LRP8: variants seen among roughly 807,000 people sequenced by gnomAD.
LRP8 encodes the protein low-density lipoprotein receptor-related protein 8.
LRP8 carries 46 observed loss-of-function variants against 111.6 expected under a neutral mutation model. The ratio of observed to expected loss-of-function variants is 0.41; its 90% CI spans 0.33 to 0.53. The LOEUF is 0.53. LRP8 is among the 20% of genes least tolerant of loss of function. The pLI, the probability that LRP8 is intolerant of heterozygous loss-of-function variation, is 0.20. For missense variants in LRP8, 959 were observed against 1,297.4 expected (o/e 0.74, Z 4.01); for synonymous variants, 464 against 511.2 (o/e 0.91, Z 1.24).
At position 53,262,418 on chromosome 1, in the gene LRP8, C is replaced by T; in HGVS notation, c.1774+28G>A. On this transcript the variant is annotated intron_variant, in intron 11 of 18. Transcript: ENST00000306052. The surrounding 1 kb of genome is among the most constrained non-coding windows in gnomAD (Gnocchi z 4.8). ...GATCAGGACAAGGCACTAGAATAGG[C>T]CCCCAACCCAGGAAAGGCAGGGCTC... The T allele has an allele frequency of 6.2e-7, 1 of 1,602,024 alleles. No homozygotes were observed. Among genetic ancestry groups the T allele is most frequent in the Non-Finnish European group, 8.5e-7 (1 of 1,170,006 alleles).
chr1:53,313,370 C>T (rs1653344836), intron 2 of LRP8, among the ~76,000 whole-genome samples: 1 of 151,952 alleles, frequency 6.6e-6, no homozygotes. Flanking sequence ...GGGCTGGAAA[C>T]CTAGCAAGGG....
In LRP8 at chr1:53,266,209, T is replaced by C. The variant is rs1463091704; in HGVS notation, c.1427+264A>G. Among the ~76,000 whole-genome samples, 1 of 152,224 alleles carries C rather than the reference T, an allele frequency of 6.6e-6. No homozygotes were observed. The highest frequency in any genetic ancestry group is 1.5e-5 in the Non-Finnish European group (1 of 68,046). ...GCCCTGGCCAAACAGTTCCTGTGTC[T>C]TGTGCTTCCATATTAGGCCTCCAGA... is the stretch of plus-strand genomic sequence containing the variant. On this transcript the variant is annotated intron_variant, in intron 9 of 18. Transcript: ENST00000306052. The surrounding 1 kb of genome is among the most constrained non-coding windows in gnomAD (Gnocchi z 5.0).
Position 53,249,306 on chromosome 1 carries a change from T to C in LRP8, c.2853+74A>G, listed in dbSNP as rs1645821090. 2.0e-6 allele frequency: 3 copies of C among 1,513,566 alleles called. No homozygotes were observed. The highest frequency in any genetic ancestry group is 1.4e-5 in the African/African-American group (1 of 71,834). 93.8% of individuals were successfully genotyped at this position (1,513,566 alleles called of 1,614,324 possible). A position where few individuals can be genotyped will look rare whatever the true frequency, so the allele number is the denominator to read the frequency against. On this transcript the variant is annotated intron_variant, in intron 18 of 18. Coordinates refer to ENST00000306052, the MANE Select transcript of LRP8 (RefSeq NM_004631.5). The surrounding 1 kb of genome is among the most constrained non-coding windows in gnomAD (Gnocchi z 4.1). The stretch of plus-strand genomic sequence containing the variant: ...AGCCTTCCCAAACCAGAAAGCCTTC[T>C]AGGATTGGCTGCGCCTGCCTTGGTT...
chr1:53,249,565 G>T lies in LRP8; in HGVS notation c.2677-9C>A, dbSNP rs780421237. 6.3e-7 allele frequency: 1 copy of T among 1,583,650 alleles called. No homozygotes were observed. Among genetic ancestry groups the T allele is most frequent in the Non-Finnish European group, 8.6e-7 (1 of 1,165,050 alleles). On this transcript the variant is annotated splice_polypyrimidine_tract_variant and intron_variant, in intron 17 of 18. Transcript: ENST00000306052. The surrounding 1 kb of genome is among the most constrained non-coding windows in gnomAD (Gnocchi z 4.1). ...TCAAAGCTGCTGATTGCCTGACAGG[G>T]GGATGGCACTGTGGATGACCTCTGA...
In LRP8 at chr1:53,294,055, A is replaced by G. The variant is rs1649247441; in HGVS notation, c.245-4366T>C. ...TGCCGCCATTCTAAGGCTGTCAGAGAAAGCCATGCCAGACCCCTACTCTGC... is the reference window on the plus strand; with the variant it reads ...TGCCGCCATTCTAAGGCTGTCAGAGGAAGCCATGCCAGACCCCTACTCTGC... On this transcript the variant is annotated intron_variant, in intron 2 of 18. Transcript: ENST00000306052. The surrounding 1 kb of genome is among the most constrained non-coding windows in gnomAD (Gnocchi z 4.1). 6.6e-6 allele frequency among the ~76,000 whole-genome samples: 1 copy of G among 152,200 alleles called. No individual in the cohort carries two copies.
At chr1:53,299,686 C>T (rs745859032) in intron 2 of LRP8, among the ~76,000 whole-genome samples, 1 of 152,222 alleles carries the variant, frequency 6.6e-6, no homozygotes, top group Non-Finnish European at 1.5e-5. Context: ...ATCGCTGAGG[C>T]CTGTGCAGGG....
chr1:53,314,841 T>G (rs1246230765), intron 2 of LRP8, among the ~76,000 whole-genome samples: 1 of 152,234 alleles, frequency 6.6e-6, no homozygotes, highest in East Asian at 1.9e-4. Flanking sequence ...GGGCCTGCTC[T>G]GAGCCACGCT....
chr1:53,281,608 G>A (rs1268070506), intron 3 of LRP8, among the ~76,000 whole-genome samples: 1 of 152,210 alleles, frequency 6.6e-6, no homozygotes, highest in Non-Finnish European at 1.5e-5. Context: ...AGGATTATGT[G>A]CTGGCCTCCA....
At chr1:53,310,818 A>G (rs1366974509) in intron 2 of LRP8, among the ~76,000 whole-genome samples, 3 of 151,990 alleles carry the variant, frequency 2.0e-5, no homozygotes, top group Non-Finnish European at 4.4e-5. Context: ...CAAGCATACA[A>G]TGGGCCCCTC....
At chr1:53,252,697 A>G (rs752116709) in intron 16 of LRP8, among the ~76,000 whole-genome samples, 4 of 152,366 alleles carry the variant, frequency 2.6e-5, no homozygotes, top group Non-Finnish European at 5.9e-5. Flanking sequence ...ACTGAAATAA[A>G]TAGGCCACAT....
chr1:53,316,498 C>T (rs1036323976), intron 2 of LRP8, among the ~76,000 whole-genome samples: 19 of 152,194 alleles, frequency 1.2e-4, no homozygotes, highest in African/African-American at 3.9e-4. Context: ...GGCCATGTCT[C>T]CTGTTGGGGC....
intron 6 of LRP8, 113 bp from the exon 7 acceptor site, chr1:53,271,459 G>C (rs1215237460): frequency 8.3e-7 from 1 of 1,197,724 alleles, no homozygotes; most frequent in Non-Finnish European, 1.2e-6. Context: ...CTCCCATAGA[G>C]GCAGGAGGGC....
intron 9 of LRP8, among the ~76,000 whole-genome samples, chr1:53,264,981 A>T (rs1646497170): frequency 1.3e-5 from 2 of 152,182 alleles, no homozygotes; most frequent in Admixed American, 6.5e-5. Flanking sequence ...GACAGGCCAG[A>T]GGATATAGTC....
At chr1:53,287,692 C>T (rs1262134411) in intron 3 of LRP8, among the ~76,000 whole-genome samples, 2 of 152,132 alleles carry the variant, frequency 1.3e-5, no homozygotes, top group Admixed American at 1.3e-4. Context: ...CTTCTCTGGG[C>T]CTCCTGTTGT....
chr1:53,306,010 C>T (rs1651884691), intron 2 of LRP8: 2 of 152,174 alleles, frequency 1.3e-5, no homozygotes, highest in South Asian at 4.1e-4. Flanking sequence ...GAGTGGAGGA[C>T]CCTCCTCCCC....
At chr1:53,263,107 C>T (rs753203291) in intron 10 of LRP8, among the ~76,000 whole-genome samples, 6 of 152,188 alleles carry the variant, frequency 3.9e-5, no homozygotes, top group Non-Finnish European at 7.3e-5. Context: ...GGGACCCTGA[C>T]GATCCGCAGT....
chr1:53,264,478 T>C (rs1413919396), intron 9 of LRP8, 82 bp from the exon 10 acceptor site: 2 of 1,090,882 alleles, frequency 1.8e-6, no homozygotes, highest in South Asian at 1.4e-5. Flanking sequence ...CCTTCCCCTC[T>C]CTTCCATCTG....
At position 53,266,360 on chromosome 1, in the gene LRP8, C is replaced by T. The variant is rs1646555669; in HGVS notation, c.1427+113G>A. The T allele has an allele frequency of 1.8e-6, 2 of 1,116,742 alleles. No individual in the cohort carries two copies. Among genetic ancestry groups the T allele is most frequent in the Non-Finnish European group, 2.6e-6 (2 of 768,116 alleles). The allele number at this position is 1,116,742 out of a possible 1,614,324, so 69.2% of individuals were successfully genotyped here. A position where few individuals can be genotyped will look rare whatever the true frequency, so the allele number is the denominator to read the frequency against. On this transcript the variant is annotated intron_variant, in intron 9 of 18. Transcript: ENST00000306052. This position sits in a 1 kb window ranked among gnomAD's most constrained non-coding sequence, Gnocchi z 5.0. ...TGTGATCCTGCATCTCTTCCCAAGTCCCAACTCTGTCCTGAGGAGCTCTAG... is the reference window on the plus strand; with the variant it reads ...TGTGATCCTGCATCTCTTCCCAAGTTCCAACTCTGTCCTGAGGAGCTCTAG...
At chr1:53,274,684 T>A (rs1646861567) in intron 6 of LRP8, 1 of 456,048 alleles carries the variant, frequency 2.2e-6, no homozygotes, top group East Asian at 6.9e-5. Context: ...CCAGTGGGCG[T>A]AGACAGGCAC....
Sources: gnomAD v4.1 joint callset for allele counts (sites outside exome capture counted in the v4.1 genomes callset) on GRCh38, gnomAD v4.1.1 for gene constraint, Gnocchi (gnomAD v3.1) non-coding constraint, MANE v1.5 for transcripts, NCBI Gene and HGNC (gene_info 2026-07-23, HGNC 2026-07-21) for gene names.